The following MGRN1 variants were observed in gnomAD, a reference collection of about 807,000 sequenced individuals.
The protein encoded by MGRN1 is mahogunin ring finger 1, also known as E3 ubiquitin-protein ligase MGRN1.
MGRN1 carries 29 observed loss-of-function variants against 69.2 expected under a neutral mutation model. The observed-to-expected ratio is 0.42, with a 90% confidence interval of 0.31 to 0.57. The LOEUF (loss-of-function observed/expected upper bound fraction) is 0.57, where lower values mean the gene tolerates loss of function less well. Among genes scored for constraint, MGRN1 ranks in the 20% least tolerant of loss-of-function variants. The pLI is 0.15. For synonymous variants in MGRN1, 470 were observed against 344.2 expected, an observed-to-expected ratio of 1.37 and a Z score of -4.04; for missense variants, 998 against 796.2, an observed-to-expected ratio of 1.25 and a Z score of -3.05.
intron 1 of MGRN1, among the ~76,000 whole-genome samples, chr16:4,627,116 A>T (rs922884356): frequency 9.2e-5 from 14 of 152,320 alleles, no homozygotes; most frequent in African/African-American, 3.1e-4. Context: ...GGGCCTCAGC[A>T]GCATTTTGGT....
intron 8 of MGRN1, among the ~76,000 whole-genome samples, chr16:4,671,144 G>C (rs943964229): frequency 2.0e-5 from 3 of 152,186 alleles, no homozygotes; most frequent in African/African-American, 7.2e-5. Context: ...GGTTGGGCCT[G>C]TGGGTTGGCT....
intron 1 of MGRN1, among the ~76,000 whole-genome samples, chr16:4,630,851 C>G (rs1897966096): frequency 7.2e-6 from 1 of 138,130 alleles, no homozygotes; most frequent in African/African-American, 2.7e-5. Context: ...GGGTCTTACT[C>G]TGTCATTCAG....
At chr16:4,629,150 A>ATGTGTG (rs377682804) in intron 1 of MGRN1, among the ~76,000 whole-genome samples, 12,350 of 127,200 alleles carry the variant, frequency 0.097, 709 homozygotes, top group East Asian at 0.23. Flanking sequence ...TTCTGTTCGT[A>ATGTGTG]TGTGTGTGTG....
intron 2 of MGRN1, 192 bp downstream of exon 2, chr16:4,650,675 C>T: frequency 2.2e-6 from 1 of 456,124 alleles, no homozygotes; most frequent in South Asian, 4.7e-5. Context: ...GTGCTGCCCC[C>T]TAGAGGCCAG....
chr16:4,675,379 A>G (rs1289928683), intron 10 of MGRN1, among the ~76,000 whole-genome samples: 1 of 152,176 alleles, frequency 6.6e-6, no homozygotes, highest in Non-Finnish European at 1.5e-5. Flanking sequence ...TGTTGGGATT[A>G]TGGGCATGAG....
chr16:4,627,802 T>A (rs527996658), intron 1 of MGRN1, among the ~76,000 whole-genome samples: 1 of 119,062 alleles, frequency 8.4e-6, no homozygotes, highest in Non-Finnish European at 1.7e-5. Flanking sequence ...AAAAAAAGGC[T>A]GGGCGCGGTG....
intron 15 of MGRN1, 38 bp downstream of exon 15, chr16:4,683,307 G>C (rs1302451399): frequency 1.2e-6 from 2 of 1,611,150 alleles, no homozygotes; most frequent in Non-Finnish European, 8.5e-7. Flanking sequence ...CCGCATGCAG[G>C]GACCAGGCAG....
rs115995448 is a variant in MGRN1 at position 4,687,134 on chromosome 16, C to T, written c.1619-1662C>T. On this transcript the variant is annotated intron_variant, in intron 16 of 16. Coordinates refer to ENST00000262370, the MANE Select transcript of MGRN1 (RefSeq NM_015246.4). Reference sequence around the variant, plus strand: ...AGCCCACTGCTGCCGACTCACCTGTCCCTCCCAGTACTGGAACCTTCTGGA... The same window carrying T: ...AGCCCACTGCTGCCGACTCACCTGTTCCTCCCAGTACTGGAACCTTCTGGA... The T allele has an allele frequency of 3.2e-3, 3,138 of 985,430 alleles. 88 individuals are homozygous for T. The African/African-American group carries it at 0.051, about 16-fold the overall frequency. 61.0% of individuals were successfully genotyped at this position (985,430 alleles called of 1,614,324 possible).
intron 1 of MGRN1, among the ~76,000 whole-genome samples, chr16:4,630,134 C>T (rs1249808886): frequency 4.0e-5 from 6 of 150,908 alleles, no homozygotes; most frequent in African/African-American, 1.5e-4. Flanking sequence ...GGTGGATTGC[C>T]TGAGCTCAGG....
At chr16:4,631,776 C>T (rs1898012976) in intron 1 of MGRN1, among the ~76,000 whole-genome samples, 1 of 152,114 alleles carries the variant, frequency 6.6e-6, no homozygotes, top group Non-Finnish European at 1.5e-5. Flanking sequence ...AAGCAGCCTG[C>T]AATTTTGATA....
intron 1 of MGRN1, 97 bp downstream of exon 1, chr16:4,625,145 G>A (rs956120451): frequency 4.4e-6 from 5 of 1,148,980 alleles, no homozygotes; most frequent in Non-Finnish European, 5.8e-6. Context: ...CGCCCTGCTC[G>A]GCCCCCTCCG....
chr16:4,636,371 G>C (rs561464987), intron 1 of MGRN1, among the ~76,000 whole-genome samples: 1 of 152,082 alleles, frequency 6.6e-6, no homozygotes, highest in Admixed American at 6.6e-5. Context: ...TGCAATGGCC[G>C]GGCGGGGTTT....
chr16:4,648,366 C>G (rs867996169), intron 1 of MGRN1, among the ~76,000 whole-genome samples: 20 of 123,026 alleles, frequency 1.6e-4, no homozygotes, highest in South Asian at 5.5e-4. Flanking sequence ...GGTCACCCGG[C>G]TCCTCCTCCC....
At chr16:4,647,865 C>T (rs536793197) in intron 1 of MGRN1, among the ~76,000 whole-genome samples, 1 of 152,138 alleles carries the variant, frequency 6.6e-6, no homozygotes, top group Non-Finnish European at 1.5e-5. Context: ...AACCACTGTT[C>T]CTGGCAGTCA....
intron 13 of MGRN1, 98 bp from the exon 14 acceptor site, chr16:4,682,725 G>A (rs887130430): frequency 2.5e-5 from 33 of 1,343,200 alleles, no homozygotes; most frequent in Middle Eastern, 5.1e-4. Flanking sequence ...CCTGGCAGGC[G>A]TGTGCAGGGG....
At chr16:4,632,309 C>T (rs970887285) in intron 1 of MGRN1, among the ~76,000 whole-genome samples, 18 of 151,680 alleles carry the variant, frequency 1.2e-4, no homozygotes, top group Non-Finnish European at 2.1e-4. Flanking sequence ...CCACTGCGCC[C>T]GGCTATTCTT....
intron 16 of MGRN1, chr16:4,687,824 C>G (rs150478587): frequency 4.1e-6 from 4 of 985,330 alleles, no homozygotes; most frequent in Non-Finnish European, 4.8e-6. Context: ...GGGAGAACTT[C>G]GCTTCTTTTG....
intron 1 of MGRN1, among the ~76,000 whole-genome samples, chr16:4,647,733 G>A (rs1163253936): frequency 6.6e-6 from 1 of 152,084 alleles, no homozygotes; most frequent in East Asian, 1.9e-4. Context: ...CTGTGTGGTG[G>A]GCCATAAAAT....
At chr16:4,668,488 C>G (rs986828590) in intron 8 of MGRN1, among the ~76,000 whole-genome samples, 176 bp downstream of exon 8, 14 of 151,762 alleles carry the variant, frequency 9.2e-5, no homozygotes, top group South Asian at 2.1e-4. Context: ...TACATACCAT[C>G]AGACACTCAC....
Sources: allele counts gnomAD v4.1 joint callset (sites outside exome capture counted in the v4.1 genomes callset), GRCh38; gene constraint gnomAD v4.1.1; transcripts MANE v1.5; gene names NCBI Gene and HGNC (gene_info 2026-07-23, HGNC 2026-07-21).